The following ZMYM4 variants were observed in gnomAD, a reference collection of about 807,000 sequenced individuals.
The protein encoded by ZMYM4 is zinc finger MYM-type containing 4, also known as zinc finger MYM-type protein 4.
In ZMYM4, 31 loss-of-function variants were observed where a neutral mutation model predicts 183.2. The observed-to-expected ratio is 0.17, with a 90% CI of 0.13 to 0.23. The LOEUF (loss-of-function observed/expected upper bound fraction) is 0.23, where lower values mean the gene tolerates loss of function less well. ZMYM4 is among the 10% of genes least tolerant of loss of function. The probability of loss-of-function intolerance (pLI) is 1.00; values close to 1 mark genes in which losing one functional copy is unlikely to be tolerated. For missense variants in ZMYM4, 1,273 were observed against 1,840.3 expected (o/e 0.69, Z 5.64); for synonymous variants, 592 against 631.2 (o/e 0.94, Z 0.93).
chr1:35,277,406 G>T (rs1394582824), intron 1 of ZMYM4, among the ~76,000 whole-genome samples: 1 of 152,148 alleles, frequency 6.6e-6, no homozygotes, highest in Non-Finnish European at 1.5e-5. Context: ...AGAAGGAATA[G>T]TTTAAACTGG....
Position 35,389,153 on chromosome 1 carries a change from A to T in ZMYM4, c.2436+71A>T, listed in dbSNP as rs1052052754. On this transcript the variant is annotated intron_variant, in intron 14 of 29. Coordinates refer to ENST00000314607, the MANE Select transcript of ZMYM4 (RefSeq NM_005095.3). This position sits in a 1 kb window ranked among gnomAD's most constrained non-coding sequence, Gnocchi z 4.0. The stretch of plus-strand genomic sequence containing the variant: ...TTATTCCCTTTTAAAATTTCATGTC[A>T]CATAAAGGACAATTTAATTATTTAA... 2 of 1,436,002 alleles carry T rather than the reference A, an allele frequency of 1.4e-6. No individual in the cohort carries two copies. The highest frequency in any genetic ancestry group is 1.9e-6 in the Non-Finnish European group (2 of 1,062,976). 89.0% of individuals were successfully genotyped at this position (1,436,002 alleles called of 1,614,324 possible).
intron 1 of ZMYM4, among the ~76,000 whole-genome samples, chr1:35,280,103 CTTTT>C (rs934734353): frequency 3.3e-5 from 5 of 151,580 alleles, no homozygotes; most frequent in African/African-American, 7.3e-5. Flanking sequence ...CTTTCTCTTT[CTTTT>C]TGTTACTTTC....
At chr1:35,269,774 A>G (rs1241073950) in intron 1 of ZMYM4, among the ~76,000 whole-genome samples, 2 of 152,232 alleles carry the variant, frequency 1.3e-5, no homozygotes, top group East Asian at 1.9e-4. Flanking sequence ...AGCCAATTCT[A>G]CATAGGAGTT....
chr1:35,361,888 A>T, intron 5 of ZMYM4, 99 bp downstream of exon 5: 4 of 1,447,042 alleles, frequency 2.8e-6, no homozygotes, highest in Non-Finnish European at 2.8e-6. Flanking sequence ...GTTTGTTGAC[A>T]GGGTGAAAGG....
In ZMYM4 at chr1:35,343,193, T is replaced by A. The variant is rs1486558001; in HGVS notation, c.86-15732T>A. On this transcript the variant is annotated intron_variant, in intron 2 of 29. Coordinates refer to ENST00000314607, the MANE Select transcript of ZMYM4 (RefSeq NM_005095.3). ...CTTTGAAAAGCACAAATTTTTAATA[T>A]TGATGAAGCCCAATTTTATTATTAT... 4.6e-5 allele frequency among the ~76,000 whole-genome samples: 7 copies of A among 152,306 alleles called. No homozygotes were observed. In the South Asian group the frequency reaches 1.5e-3, roughly 32 times the overall value.
intron 1 of ZMYM4, among the ~76,000 whole-genome samples, chr1:35,306,998 T>G (rs1046833904): frequency 6.6e-6 from 1 of 152,236 alleles, no homozygotes; most frequent in Non-Finnish European, 1.5e-5. Context: ...ATAGTTTTAA[T>G]GCAGACCAGC....
intron 3 of ZMYM4, among the ~76,000 whole-genome samples, chr1:35,360,086 C>T (rs962923351): frequency 6.6e-6 from 1 of 151,964 alleles, no homozygotes; most frequent in Non-Finnish European, 1.5e-5. Context: ...CATTTTCTCT[C>T]TGTATATTTG....
intron 2 of ZMYM4, among the ~76,000 whole-genome samples, chr1:35,339,477 C>T (rs777283815): frequency 8.5e-5 from 13 of 152,078 alleles, no homozygotes; most frequent in South Asian, 2.1e-4. Flanking sequence ...TCAGGTGATC[C>T]GCCTGCCTTG....
intron 9 of ZMYM4, among the ~76,000 whole-genome samples, chr1:35,382,740 C>T (rs554825987): frequency 1.7e-4 from 26 of 152,138 alleles, no homozygotes; most frequent in Non-Finnish European, 2.8e-4. Flanking sequence ...CGAGCCACCA[C>T]GCCCGGCCAG....
intron 2 of ZMYM4, among the ~76,000 whole-genome samples, chr1:35,354,426 G>A (rs958878348): frequency 6.6e-6 from 1 of 152,078 alleles, no homozygotes; most frequent in Non-Finnish European, 1.5e-5. Flanking sequence ...GGATGAATTT[G>A]TAAAAGTTGA....
At chr1:35,283,569 C>T (rs139812019) in intron 1 of ZMYM4, among the ~76,000 whole-genome samples, 1,772 of 151,234 alleles carry the variant, frequency 0.012, 33 homozygotes, top group African/African-American at 0.041. Context: ...GATCTCCTGA[C>T]CTCGTGAGCC....
intron 1 of ZMYM4, among the ~76,000 whole-genome samples, chr1:35,291,975 C>T (rs1388625863): frequency 6.6e-6 from 1 of 152,026 alleles, no homozygotes; most frequent in Non-Finnish European, 1.5e-5. Flanking sequence ...GCACCACATT[C>T]CCGCTTTGAT....
intron 7 of ZMYM4, among the ~76,000 whole-genome samples, chr1:35,380,687 T>C (rs778511070): frequency 6.6e-6 from 1 of 152,002 alleles, no homozygotes; most frequent in South Asian, 2.1e-4. Flanking sequence ...ATAGAGTGAG[T>C]GGTTTGGTGG....
intron 1 of ZMYM4, among the ~76,000 whole-genome samples, chr1:35,288,727 ATGG>A (rs1411899249): frequency 9.4e-5 from 14 of 148,484 alleles, no homozygotes; most frequent in African/African-American, 2.9e-4. Flanking sequence ...CAGTTGTCTC[ATGG>A]TGAGCAGAGG....
intron 1 of ZMYM4, among the ~76,000 whole-genome samples, chr1:35,281,713 G>A (rs553234489): frequency 1.3e-5 from 2 of 151,482 alleles, no homozygotes; most frequent in African/African-American, 4.9e-5. Flanking sequence ...AACTTTAAGT[G>A]TATAATTCAG....
In ZMYM4 at chr1:35,398,481, A is replaced by G; in HGVS notation, c.3253+15A>G. On this transcript the variant is annotated intron_variant, in intron 21 of 29. Coordinates refer to ENST00000314607, the MANE Select transcript of ZMYM4 (RefSeq NM_005095.3). The stretch of plus-strand genomic sequence containing the variant: ...ATTTGAAAAAGGTTTGTAGTTGAAA[A>G]TATGTTTTGATTTTTAGAAATACTA... The G allele has an allele frequency of 6.2e-7, 1 of 1,606,360 alleles. No individual in the cohort carries two copies. The highest frequency in any genetic ancestry group is 8.5e-7 in the Non-Finnish European group (1 of 1,175,786).
intron 1 of ZMYM4, among the ~76,000 whole-genome samples, chr1:35,313,808 T>A (rs1641914502): frequency 6.6e-6 from 1 of 152,162 alleles, no homozygotes; most frequent in African/African-American, 2.4e-5. Context: ...ATGTTAAAAA[T>A]GTATATTATA....
chr1:35,350,763 G>A (rs948192380), intron 2 of ZMYM4: 6 of 471,136 alleles, frequency 1.3e-5, no homozygotes, highest in Non-Finnish European at 2.4e-5. Context: ...CCTGCTTTAA[G>A]AGATACCAAG....
intron 7 of ZMYM4, among the ~76,000 whole-genome samples, chr1:35,377,723 A>T (rs1322123332): frequency 6.6e-6 from 1 of 152,234 alleles, no homozygotes; most frequent in Non-Finnish European, 1.5e-5. Context: ...GCCTTCAGTG[A>T]GTCATAATCT....
Sources: gnomAD v4.1 joint callset for allele counts (sites outside exome capture counted in the v4.1 genomes callset) on GRCh38, gnomAD v4.1.1 for gene constraint, Gnocchi (gnomAD v3.1) non-coding constraint, MANE v1.5 for transcripts, NCBI Gene and HGNC (gene_info 2026-07-23, HGNC 2026-07-21) for gene names.